Variants in USP8 observed in about 807,000 individuals in gnomAD.
USP8 encodes ubiquitin specific peptidase 8.
In USP8, 27 loss-of-function variants were observed where a neutral mutation model predicts 130.0. The observed-to-expected ratio is 0.21, with a 90% CI of 0.15 to 0.29. The LOEUF (loss-of-function observed/expected upper bound fraction) is 0.29. USP8 is among the 10% of genes least tolerant of loss of function. USP8 has a pLI of 1.00. For missense variants in USP8, 1,029 were observed against 1,312.2 expected (o/e 0.78, Z 3.33); for synonymous variants, 392 against 444.1 (o/e 0.88, Z 1.48).
At position 50,509,163 on chromosome 15, in the gene USP8, T is replaced by TAAAAAA. The variant is rs2052705485; in HGVS notation, c.*10076_*10077insAAAAAA. The TAAAAAA allele has an allele frequency of 1.1e-5, 1 of 89,936 alleles. No individual in the cohort carries two copies. Among genetic ancestry groups the TAAAAAA allele is most frequent in the Non-Finnish European group, 2.3e-5 (1 of 43,560 alleles). The allele number at this position is 89,936 out of a possible 1,614,324, so 5.6% of individuals were successfully genotyped here. On this transcript the variant is annotated 3_prime_UTR_variant, in exon 20 of 20. Transcript: ENST00000307179. ...AAAAAAAAAAAAAAAAAAAAAAAATTACAAAATTAGCTGGACATGGTGTTG... is the reference window on the plus strand; with the variant it reads ...AAAAAAAAAAAAAAAAAAAAAAAATTAAAAAAACAAAATTAGCTGGACATGGTGTTG...
chr15:50,498,509 TC>T, intron 18 of USP8, 86 bp from the exon 19 acceptor site: 18 of 1,444,688 alleles, frequency 1.2e-5, no homozygotes, highest in Non-Finnish European at 1.7e-5. Context: ...GATTTTACAG[TC>T]CTGGCTAAAA....
chr15:50,485,550 A>ATTTTT (rs71424071), intron 12 of USP8, among the ~76,000 whole-genome samples: 301 of 27,960 alleles, frequency 0.011, 31 homozygotes, highest in East Asian at 0.017. Flanking sequence ...CAGTTTAGTG[A>ATTTTT]TTTTTTTTTT....
chr15:50,489,616 G>A, intron 12 of USP8, 185 bp from the exon 13 acceptor site: 1 of 325,498 alleles, frequency 3.1e-6, no homozygotes, highest in Non-Finnish European at 5.6e-6. Context: ...AGTAATATTT[G>A]TACTTTGAGA....
Position 50,495,833 on chromosome 15 carries a change from T to A in USP8, c.2659-15T>A, listed in dbSNP as rs1390187683. 1.3e-6 allele frequency: 2 copies of A among 1,585,828 alleles called. No homozygotes were observed. The highest frequency in any genetic ancestry group is 1.7e-6 in the Non-Finnish European group (2 of 1,157,790). ...TTGAGATATTAATATAGAGCTTAAA[T>A]CATTTTATTTCCAGGCTGATAATCG... On this transcript the variant is annotated splice_polypyrimidine_tract_variant and intron_variant, in intron 16 of 19. Coordinates refer to ENST00000307179, the MANE Select transcript of USP8 (RefSeq NM_005154.5).
At chr15:50,490,821 C>A (rs2052132098) in intron 14 of USP8, among the ~76,000 whole-genome samples, 1 of 152,150 alleles carries the variant, frequency 6.6e-6, no homozygotes, top group Non-Finnish European at 1.5e-5. Context: ...TTTTCATAGA[C>A]CGCCTGTGGT....
chr15:50,461,102 C>T (rs1235796553), intron 5 of USP8, among the ~76,000 whole-genome samples: 2 of 151,982 alleles, frequency 1.3e-5, no homozygotes, highest in East Asian at 3.9e-4. Flanking sequence ...AAGCAATTCT[C>T]CTCCCTCAGC....
intron 1 of USP8, among the ~76,000 whole-genome samples, chr15:50,424,996 T>G (rs971700446): frequency 1.5e-5 from 1 of 67,332 alleles, no homozygotes; most frequent in Non-Finnish European, 3.6e-5. Flanking sequence ...AATAGAAGAT[T>G]TTTTTTTTTT....
chr15:50,455,399 G>A (rs2050758917), intron 4 of USP8, among the ~76,000 whole-genome samples: 1 of 143,508 alleles, frequency 7.0e-6, no homozygotes, highest in African/African-American at 2.5e-5. Context: ...TTTCTGTGTG[G>A]TTCTTTTTTA....
At chr15:50,486,046 A>C (rs2051951063) in intron 12 of USP8, among the ~76,000 whole-genome samples, 1 of 152,138 alleles carries the variant, frequency 6.6e-6, no homozygotes, top group South Asian at 2.1e-4. Flanking sequence ...GAACCGATGA[A>C]TACAGAGGAC....
Position 50,439,168 on chromosome 15 carries a change from G to A in USP8, c.95G>A (p.Ser32Asn), listed in dbSNP as rs2050170563. ...ACAGAAGTTAAACCAGAGAAAATAA[G>A]CACTAAGAGGTATGATGTATCCTTC... Reference protein sequence around the residue: ...KKTEVKPEKISTKSYVHSALK... With the variant: ...KKTEVKPEKINTKSYVHSALK... The change falls in exon 2 of 20, where the codon AGC becomes AAC. Residue 32 changes from serine to asparagine, a missense_variant. Coordinates refer to ENST00000307179, the MANE Select transcript of USP8 (RefSeq NM_005154.5). The A allele has an allele frequency of 5.2e-6, 8 of 1,550,348 alleles. No individual in the cohort carries two copies. Among genetic ancestry groups the A allele is most frequent in the East Asian group, 4.7e-5 (2 of 42,306 alleles).
rs751428887 is a variant in USP8 at position 50,494,232 on chromosome 15, A to G, written c.2610A>G (p.Gln870=). The G allele has an allele frequency of 6.2e-7, 1 of 1,613,224 alleles. No homozygotes were observed. Among genetic ancestry groups the G allele is most frequent in the Admixed American group, 1.7e-5 (1 of 59,772 alleles). ...CAGGATACAGTCAGCAAGATTCACA[A>G]GAATTGCTTCTGTTCCTAATGGATG... ...QFAGYSQQDS[Q]ELLLFLMDGL... is the part of the protein sequence containing the mutation. The change falls in exon 16 of 20, where the codon CAA becomes CAG. Residue 870 remains glutamine (Q), a synonymous_variant. Coordinates refer to ENST00000307179, the MANE Select transcript of USP8 (RefSeq NM_005154.5).
chr15:50,482,089 C>T, intron 11 of USP8, 24 bp downstream of exon 11: 1 of 1,453,976 alleles, frequency 6.9e-7, no homozygotes, highest in Non-Finnish European at 9.1e-7. Flanking sequence ...GTACAAATTG[C>T]CAACGAAGTG....
At chr15:50,459,828 T>C (rs182076315) in intron 5 of USP8, among the ~76,000 whole-genome samples, 2 of 152,228 alleles carry the variant, frequency 1.3e-5, no homozygotes, top group Admixed American at 1.3e-4. Context: ...CAAATTATAG[T>C]CTTGAAATAG....
intron 8 of USP8, among the ~76,000 whole-genome samples, chr15:50,472,193 GC>G (rs1421940353): frequency 6.6e-6 from 1 of 151,942 alleles, no homozygotes; most frequent in African/African-American, 2.4e-5. Context: ...GAGCAGCTGC[GC>G]CCAGCCCATC....
In USP8 at chr15:50,507,971, G is replaced by A. The variant is rs1489696065; in HGVS notation, c.*8883G>A. 1 of 149,968 alleles carries A rather than the reference G, an allele frequency of 6.7e-6. No individual in the cohort carries two copies. The highest frequency in any genetic ancestry group is 1.5e-5 in the Non-Finnish European group (1 of 67,798). The allele number at this position is 149,968 out of a possible 1,614,324, so 9.3% of individuals were successfully genotyped here. ...TGTAATCCCAGCTACTGAGGAGGCT[G>A]AAGCAGGAAAATCGCTTGAAACTGG... On this transcript the variant is annotated 3_prime_UTR_variant, in exon 20 of 20. Coordinates refer to ENST00000307179, the MANE Select transcript of USP8 (RefSeq NM_005154.5).
chr15:50,492,573 G>A, intron 14 of USP8, 128 bp from the exon 15 acceptor site: 2 of 880,586 alleles, frequency 2.3e-6, no homozygotes, highest in Non-Finnish European at 3.4e-6. Flanking sequence ...CATCTTATGA[G>A]TTAACATATT....
rs1271008749 is a variant in USP8, at chr15:50,500,081, A to ACACTC, written c.*996_*1000dup. ...AGTTGCTATATATATAGTCAGTAAA[A>ACACTC]CACTCCATATAAAAATAAGATTCTA... On this transcript the variant is annotated 3_prime_UTR_variant, in exon 20 of 20. Transcript: ENST00000307179. The ACACTC allele has an allele frequency of 2.6e-5, 4 of 152,166 alleles. No homozygotes were observed. Among genetic ancestry groups the ACACTC allele is most frequent in the African/African-American group, 4.8e-5 (2 of 41,448 alleles). The allele number at this position is 152,166 out of a possible 1,614,324, so 9.4% of individuals were successfully genotyped here. A position where few individuals can be genotyped will look rare whatever the true frequency, so the allele number is the denominator to read the frequency against.
chr15:50,463,948 T>C (rs1035349728), intron 6 of USP8, among the ~76,000 whole-genome samples: 2 of 152,232 alleles, frequency 1.3e-5, no homozygotes, highest in Non-Finnish European at 2.9e-5. Context: ...TTGCATTAGC[T>C]TTACTTAGTT....
intron 1 of USP8, among the ~76,000 whole-genome samples, chr15:50,436,868 C>T (rs1458939405): frequency 6.6e-6 from 1 of 152,110 alleles, no homozygotes; most frequent in Non-Finnish European, 1.5e-5. Context: ...TAGGGTTTCA[C>T]CATGTTGACC....
Sources: allele counts gnomAD v4.1 joint callset (sites outside exome capture counted in the v4.1 genomes callset), GRCh38; gene constraint gnomAD v4.1.1; transcripts MANE v1.5; gene names NCBI Gene and HGNC (gene_info 2026-07-23, HGNC 2026-07-21).